The following STXBP5 variants were observed in gnomAD, a reference collection of about 807,000 sequenced individuals.
The protein encoded by STXBP5 is syntaxin binding protein 5.
STXBP5 carries 50 observed loss-of-function variants against 152.4 expected under a neutral mutation model. The ratio of observed to expected loss-of-function variants is 0.33; its 90% CI spans 0.26 to 0.42. The LOEUF (loss-of-function observed/expected upper bound fraction) is 0.42. Ranked by LOEUF, STXBP5 falls within the 10% of genes least tolerant of loss-of-function variation. The probability of loss-of-function intolerance (pLI) is 1.00; values close to 1 mark genes in which losing one functional copy is unlikely to be tolerated. For synonymous variants in STXBP5, 492 were observed against 494.7 expected (o/e 0.99, Z 0.07); for missense variants, 1,167 against 1,388.6 (o/e 0.84, Z 2.54).
chr6:147,377,110 T>C (rs915941328), intron 26 of STXBP5, among the ~76,000 whole-genome samples: 4 of 152,206 alleles, frequency 2.6e-5, no homozygotes, highest in South Asian at 4.1e-4. Flanking sequence ...AGCAGTTGTA[T>C]CAATACATTT....
At chr6:147,262,096 G>A (rs940346203) in intron 5 of STXBP5, among the ~76,000 whole-genome samples, 194 bp from the exon 6 acceptor site, 19 of 151,774 alleles carry the variant, frequency 1.3e-4, no homozygotes, top group African/African-American at 4.1e-4. Flanking sequence ...TTAGTTATAT[G>A]AGTCACCACT....
intron 4 of STXBP5, among the ~76,000 whole-genome samples, chr6:147,251,793 T>G (rs73582598): frequency 0.025 from 3,746 of 151,956 alleles, 112 homozygotes; most frequent in African/African-American, 0.082. Context: ...GTATCCTTAC[T>G]GGGAGACACC....
At chr6:147,294,554 A>C (rs1582902657) in intron 9 of STXBP5, among the ~76,000 whole-genome samples, 1 of 152,162 alleles carries the variant, frequency 6.6e-6, no homozygotes, top group South Asian at 2.1e-4. Context: ...CCACAAAGCA[A>C]GTGTACAAGT....
At chr6:147,272,920 G>A (rs1396389550) in intron 7 of STXBP5, among the ~76,000 whole-genome samples, 1 of 151,986 alleles carries the variant, frequency 6.6e-6, no homozygotes, top group Non-Finnish European at 1.5e-5. Flanking sequence ...TCCCCTGGTT[G>A]TGTCTCAATG....
rs772342224 is a variant in STXBP5 at position 147,388,949 on chromosome 6, T to C, written c.*4194T>C. The C allele has an allele frequency of 1.3e-5, 2 of 151,642 alleles. No homozygotes were observed. The highest frequency in any genetic ancestry group is 1.9e-4 in the East Asian group (1 of 5,178). The allele number at this position is 151,642 out of a possible 1,614,324, so 9.4% of individuals were successfully genotyped here. A position where few individuals can be genotyped will look rare whatever the true frequency, so the allele number is the denominator to read the frequency against. On this transcript the variant is annotated 3_prime_UTR_variant, in exon 28 of 28. Coordinates refer to ENST00000321680, the MANE Select transcript of STXBP5 (RefSeq NM_001127715.4). ...TTTTGTAGTTTATAGAATTTGTTCCTTATCAGTTTGATACTTGATCAACAT... is the reference window on the plus strand; with the variant it reads ...TTTTGTAGTTTATAGAATTTGTTCCCTATCAGTTTGATACTTGATCAACAT...
At position 147,235,233 on chromosome 6, in the gene STXBP5, A is replaced by G; in HGVS notation, c.249-17A>G. 1 of 1,610,520 alleles carries G rather than the reference A, an allele frequency of 6.2e-7. No homozygotes were observed. The highest frequency in any genetic ancestry group is 8.5e-7 in the Non-Finnish European group (1 of 1,177,062). On this transcript the variant is annotated splice_polypyrimidine_tract_variant and intron_variant, in intron 2 of 27. Transcript: ENST00000321680. ...ACCGAACAAATACCATAAACTCCTTAATGGAATTAATTACAGCTTTGGTCG... is the reference window on the plus strand; with the variant it reads ...ACCGAACAAATACCATAAACTCCTTGATGGAATTAATTACAGCTTTGGTCG...
In STXBP5 at chr6:147,390,452, T is replaced by A. The variant is rs1392421246; in HGVS notation, c.*5697T>A. 2 of 151,972 alleles carry A rather than the reference T, an allele frequency of 1.3e-5. No homozygotes were observed. Among genetic ancestry groups the A allele is most frequent in the African/African-American group, 4.8e-5 (2 of 41,414 alleles). The allele number at this position is 151,972 out of a possible 1,614,324, so 9.4% of individuals were successfully genotyped here. On this transcript the variant is annotated 3_prime_UTR_variant, in exon 28 of 28. Coordinates refer to ENST00000321680, the MANE Select transcript of STXBP5 (RefSeq NM_001127715.4). ...GCTCTGATTGGGCAAAATAAAATAC[T>A]CTAATCTCTCCTGAAACTAAACAAG...
chr6:147,379,947 A>G (rs1016827379), intron 26 of STXBP5, among the ~76,000 whole-genome samples: 1 of 152,130 alleles, frequency 6.6e-6, no homozygotes, highest in Non-Finnish European at 1.5e-5. Context: ...TAAGACATGT[A>G]CAATAAAAAC....
intron 26 of STXBP5, among the ~76,000 whole-genome samples, chr6:147,378,461 A>G (rs1455827376): frequency 1.3e-5 from 2 of 151,820 alleles, no homozygotes; most frequent in African/African-American, 4.8e-5. Flanking sequence ...ACTCCTAGAA[A>G]CTAAATTGCA....
chr6:147,371,708 T>C (rs1785547848), intron 25 of STXBP5, among the ~76,000 whole-genome samples: 1 of 152,188 alleles, frequency 6.6e-6, no homozygotes. Flanking sequence ...CTGGTGTTTT[T>C]ATATTTCTTA....
At chr6:147,302,701 G>A (rs774129227) in intron 9 of STXBP5, among the ~76,000 whole-genome samples, 3 of 152,148 alleles carry the variant, frequency 2.0e-5, no homozygotes, top group Non-Finnish European at 4.4e-5. Context: ...TGTAATCCCA[G>A]CTACTCAGGA....
intron 4 of STXBP5, among the ~76,000 whole-genome samples, chr6:147,248,488 A>C (rs1012638530): frequency 6.6e-6 from 1 of 152,162 alleles, no homozygotes; most frequent in Non-Finnish European, 1.5e-5. Flanking sequence ...TCATCAGGAA[A>C]ATGCAGACTA....
rs185336296 is a variant in STXBP5, at chr6:147,343,395, A to G, written c.2254+4011A>G. On this transcript the variant is annotated intron_variant, in intron 21 of 27. Coordinates refer to ENST00000321680, the MANE Select transcript of STXBP5 (RefSeq NM_001127715.4). ...TCCTTTTTTAAAGTGTTCCAATATA[A>G]CTAAAGTCTTCTCTTTGTTGTTTTA... 2.0e-3 allele frequency among the ~76,000 whole-genome samples: 310 copies of G among 152,268 alleles called. 1 individual carries two copies. The highest frequency in any genetic ancestry group is 3.2e-3 in the Non-Finnish European group (216 of 67,966).
At position 147,335,572 on chromosome 6, in the gene STXBP5, G is replaced by A. The variant is rs1395607817; in HGVS notation, c.2146+1350G>A. On this transcript the variant is annotated intron_variant, in intron 19 of 27. Transcript: ENST00000321680. ...ATCCTGGGCCAGACTTTCAAAAAGT[G>A]GATACATCTAGCCCTTTGAAATAAA... Among the ~76,000 whole-genome samples the A allele has an allele frequency of 2.6e-5, 4 of 152,110 alleles. No homozygotes were observed. In the South Asian group the frequency reaches 6.2e-4, roughly 24 times the overall value.
intron 19 of STXBP5, among the ~76,000 whole-genome samples, chr6:147,338,959 A>G (rs937650998): frequency 5.9e-5 from 9 of 151,862 alleles, no homozygotes; most frequent in Admixed American, 2.6e-4. Flanking sequence ...TAATATTTAT[A>G]TATACCAGGG....
At chr6:147,227,800 T>C (rs1055653010) in intron 2 of STXBP5, among the ~76,000 whole-genome samples, 3 of 152,202 alleles carry the variant, frequency 2.0e-5, no homozygotes, top group African/African-American at 7.2e-5. Flanking sequence ...GTACGTATTA[T>C]ACCTTTTTTT....
At chr6:147,373,246 A>G (rs1333307242) in intron 25 of STXBP5, among the ~76,000 whole-genome samples, 1 of 151,654 alleles carries the variant, frequency 6.6e-6, no homozygotes, top group Non-Finnish European at 1.5e-5. Context: ...TGTGCCTGTA[A>G]TCCCAGCTAG....
rs1554215892 is a variant in STXBP5, at chr6:147,331,817, A to AC, written c.2081-2340_2081-2339insC. On this transcript the variant is annotated intron_variant, in intron 18 of 27. Coordinates refer to ENST00000321680, the MANE Select transcript of STXBP5 (RefSeq NM_001127715.4). Reference sequence around the variant, plus strand: ...CTTTTCTACCAGTTAAAAAAAAAAAAAAAAAAAAAACACACAAAACTCTAA... The same window carrying AC: ...CTTTTCTACCAGTTAAAAAAAAAAAACAAAAAAAAAACACACAAAACTCTAA... 4.6e-5 allele frequency among the ~76,000 whole-genome samples: 7 copies of AC among 151,482 alleles called. No homozygotes were observed. The East Asian group carries it at 5.8e-4, about 13-fold the overall frequency.
At chr6:147,239,766 T>C (rs1006524251) in intron 4 of STXBP5, among the ~76,000 whole-genome samples, 2 of 152,200 alleles carry the variant, frequency 1.3e-5, no homozygotes, top group African/African-American at 4.8e-5. Flanking sequence ...TGTGATGTTA[T>C]GTTACATATG....
Sources: allele counts gnomAD v4.1 joint callset (sites outside exome capture counted in the v4.1 genomes callset), GRCh38; gene constraint gnomAD v4.1.1; transcripts MANE v1.5; gene names NCBI Gene and HGNC (gene_info 2026-07-23, HGNC 2026-07-21).